TPRG1: variants seen among roughly 807,000 people sequenced by gnomAD.
TPRG1 encodes the protein tumor protein p63 regulated 1, also known as tumor protein p63-regulated gene 1 protein.
Under a neutral mutation model 29.3 loss-of-function variants are expected in TPRG1, and 29 were observed. That is an observed-to-expected ratio of 0.99 (90% CI 0.74 to 1.35). TPRG1 has a LOEUF of 1.35. Ranked by LOEUF, TPRG1 falls within the 40% of genes most tolerant of loss-of-function variation. The probability of loss-of-function intolerance (pLI) is 0.00; values close to 1 mark genes in which losing one functional copy is unlikely to be tolerated. For missense variants in TPRG1, 327 were observed against 335.0 expected, an observed-to-expected ratio of 0.98 and a Z score of 0.19; for synonymous variants, 130 against 116.8, an observed-to-expected ratio of 1.11 and a Z score of -0.73.
intron 4 of TPRG1, among the ~76,000 whole-genome samples, chr3:189,266,821 T>C (rs1274374606): frequency 6.6e-6 from 1 of 152,184 alleles, no homozygotes; most frequent in Non-Finnish European, 1.5e-5. Context: ...TCCTTGATCT[T>C]TCTAGTTACA....
At chr3:189,215,138 G>A (rs1416135199) in intron 2 of TPRG1, among the ~76,000 whole-genome samples, 154 bp from the exon 3 acceptor site, 1 of 152,074 alleles carries the variant, frequency 6.6e-6, no homozygotes, top group Non-Finnish European at 1.5e-5. Context: ...TCAAGAGTAA[G>A]TTTTCTGGAA....
At chr3:189,215,997 T>C (rs1736011004) in intron 3 of TPRG1, among the ~76,000 whole-genome samples, 3 of 152,136 alleles carry the variant, frequency 2.0e-5, no homozygotes, top group Non-Finnish European at 4.4e-5. Context: ...ACCACAAAGA[T>C]GGTTACCTTT....
intron 4 of TPRG1, among the ~76,000 whole-genome samples, chr3:189,026,261 G>T (rs1390265397): frequency 6.6e-6 from 1 of 152,216 alleles, no homozygotes; most frequent in Non-Finnish European, 1.5e-5. Context: ...GAGAGAGAGA[G>T]ACAGTGAGAA....
chr3:189,111,404 T>TATA (rs953538223), intron 1 of TPRG1, among the ~76,000 whole-genome samples: 8 of 152,202 alleles, frequency 5.3e-5, no homozygotes, highest in Admixed American at 6.5e-5. Context: ...ATCCCCTACT[T>TATA]ATAATGGTCC....
intron 4 of TPRG1, among the ~76,000 whole-genome samples, chr3:189,257,232 T>C (rs1712059728): frequency 6.6e-6 from 1 of 152,234 alleles, no homozygotes; most frequent in African/African-American, 2.4e-5. Flanking sequence ...TTTGCTTGTC[T>C]GTAAAGGATT....
chr3:189,139,155 C>T (rs1386355862), intron 3 of TPRG1, among the ~76,000 whole-genome samples: 1 of 152,136 alleles, frequency 6.6e-6, no homozygotes, highest in East Asian at 1.9e-4. Context: ...AGGAGGAGGA[C>T]CTGGTTGAAA....
chr3:189,078,192 C>T lies in TPRG1; in HGVS notation c.-462-48865C>T, dbSNP rs146025065. Among the ~76,000 whole-genome samples the T allele has an allele frequency of 2.5e-3, 373 of 147,346 alleles. 2 individuals carry two copies. The highest frequency in any genetic ancestry group is 8.3e-3 in the African/African-American group (329 of 39,582). On this transcript the variant is annotated intron_variant, in intron 4 of 10. Coordinates refer to the TPRG1 transcript ENST00000433971. The stretch of plus-strand genomic sequence containing the variant: ...TGTTCTTGTCATCTAGGCTGGAATG[C>T]AATAGCACTATCTTGGCTCACTGCA...
intron 4 of TPRG1, among the ~76,000 whole-genome samples, chr3:189,278,492 A>G (rs1716543972): frequency 6.6e-6 from 1 of 152,194 alleles, no homozygotes. Flanking sequence ...AATGGGCTAA[A>G]TGATGCTATG....
At position 189,321,547 on chromosome 3, in the gene TPRG1, A is replaced by G. The variant is rs1469288985; in HGVS notation, c.*727A>G. ...GCTCATTCTCTTATCAAAATTGTTC[A>G]TGTATTCCTCCTTTCCATTCTTATA... is the stretch of plus-strand genomic sequence containing the variant. On this transcript the variant is annotated 3_prime_UTR_variant, in exon 6 of 6. Coordinates refer to ENST00000345063, the MANE Select transcript of TPRG1 (RefSeq NM_198485.4). 2 of 151,996 alleles carry G rather than the reference A, an allele frequency of 1.3e-5. No homozygotes were observed. The highest frequency in any genetic ancestry group is 1.5e-5 in the Non-Finnish European group (1 of 67,970). The allele number at this position is 151,996 out of a possible 1,614,324, so 9.4% of individuals were successfully genotyped here.
upstream of TPRG1, among the ~76,000 whole-genome samples, chr3:189,097,574 G>A (rs1056718771): frequency 5.3e-5 from 8 of 152,140 alleles, no homozygotes; most frequent in Admixed American, 6.5e-5. Context: ...TGTACTCATC[G>A]TTATAAATTT....
chr3:189,051,778 A>G (rs1715340044), intron 4 of TPRG1, among the ~76,000 whole-genome samples: 1 of 152,210 alleles, frequency 6.6e-6, no homozygotes. Context: ...TAGAGAACCC[A>G]GAAATAAACC....
intron 1 of TPRG1, among the ~76,000 whole-genome samples, chr3:189,204,538 T>C (rs1250279028): frequency 6.6e-6 from 1 of 152,176 alleles, no homozygotes; most frequent in Non-Finnish European, 1.5e-5. Context: ...CAGTGAGAAT[T>C]TAAACGGAGC....
rs1378314838 is a variant in TPRG1 at position 189,086,597 on chromosome 3, G to A, written c.-462-40460G>A. Among the ~76,000 whole-genome samples, 12 of 147,452 alleles carry A rather than the reference G, an allele frequency of 8.1e-5. No homozygotes were observed. The East Asian group carries it at 1.0e-3, about 12-fold the overall frequency. On this transcript the variant is annotated intron_variant, in intron 4 of 10. Transcript: ENST00000433971. ...GGCTGGAGTGCAATGTCGTGATCTCGGCTCACCACAACCTCCGCCTCCCGG... is the reference window on the plus strand; with the variant it reads ...GGCTGGAGTGCAATGTCGTGATCTCAGCTCACCACAACCTCCGCCTCCCGG...
intron 4 of TPRG1, among the ~76,000 whole-genome samples, chr3:189,056,180 C>G (rs1409708662): frequency 6.6e-6 from 1 of 152,000 alleles, no homozygotes; most frequent in Non-Finnish European, 1.5e-5. Flanking sequence ...ACCGCAACCT[C>G]TGCCTCCCGG....
chr3:189,052,968 C>T (rs1415768344), intron 4 of TPRG1, among the ~76,000 whole-genome samples: 1 of 152,092 alleles, frequency 6.6e-6, no homozygotes, highest in African/African-American at 2.4e-5. Context: ...TAAAAGACTA[C>T]AAATATGGTG....
chr3:189,216,623 A>G (rs1333508906), intron 3 of TPRG1, among the ~76,000 whole-genome samples: 1 of 152,200 alleles, frequency 6.6e-6, no homozygotes, highest in Non-Finnish European at 1.5e-5. Flanking sequence ...ATGGACCTTC[A>G]ATAGCTGTTA....
At chr3:189,139,179 T>C (rs775818710) in intron 3 of TPRG1, among the ~76,000 whole-genome samples, 1 of 152,216 alleles carries the variant, frequency 6.6e-6, no homozygotes, top group East Asian at 1.9e-4. Flanking sequence ...ATCCCTGTTT[T>C]AGAAGTGGAA....
intron 4 of TPRG1, among the ~76,000 whole-genome samples, chr3:189,251,050 CCTCT>C (rs540900881): frequency 2.7e-4 from 41 of 151,958 alleles, no homozygotes; most frequent in African/African-American, 9.2e-4. Flanking sequence ...CCTTTACTTG[CCTCT>C]CTTCCCCTCT....
At chr3:189,224,710 A>G (rs1031196468) in intron 3 of TPRG1, among the ~76,000 whole-genome samples, 2 of 152,140 alleles carry the variant, frequency 1.3e-5, no homozygotes, top group Non-Finnish European at 2.9e-5. Flanking sequence ...TGGAGTCACA[A>G]ACTGGGGATC....
Sources: allele counts gnomAD v4.1 joint callset (sites outside exome capture counted in the v4.1 genomes callset), GRCh38; gene constraint gnomAD v4.1.1; transcripts MANE v1.5; gene names NCBI Gene and HGNC (gene_info 2026-07-23, HGNC 2026-07-21).